Variants in BIRC2 observed in about 807,000 individuals in gnomAD.
The protein encoded by BIRC2 is baculoviral IAP repeat-containing protein 2.
Under a neutral mutation model 60.9 loss-of-function variants are expected in BIRC2, and 18 were observed. The ratio of observed to expected loss-of-function variants is 0.30; its 90% CI spans 0.20 to 0.44. BIRC2 has a LOEUF of 0.44. Among genes scored for constraint, BIRC2 ranks in the 20% least tolerant of loss-of-function variants. BIRC2 has a pLI of 1.00. For missense variants in BIRC2, 701 were observed against 728.5 expected (o/e 0.96, Z 0.43); for synonymous variants, 282 against 247.7 (o/e 1.14, Z -1.30).
chr11:102,377,770 T>A lies in BIRC2; in HGVS notation c.1621+20T>A. ...TATTTGGTGAGTTTGTTGGGAAAAT[T>A]ATTTTAGAAATTCTTAGGACTGGCC... On this transcript the variant is annotated intron_variant, in intron 7 of 8. Transcript: ENST00000227758. The A allele has an allele frequency of 6.3e-7, 1 of 1,592,932 alleles. No individual in the cohort carries two copies.
At chr11:102,374,899 C>G (rs77370340) in intron 6 of BIRC2, among the ~76,000 whole-genome samples, 1 of 152,212 alleles carries the variant, frequency 6.6e-6, no homozygotes, top group African/African-American at 2.4e-5. Context: ...GTCTGAAAAG[C>G]GCAATATTCG....
chr11:102,356,679 A>C (rs1367416617), intron 3 of BIRC2, among the ~76,000 whole-genome samples: 1 of 145,804 alleles, frequency 6.9e-6, no homozygotes, highest in African/African-American at 2.5e-5. Flanking sequence ...TATTATTATT[A>C]ATTTTTTTTT....
chr11:102,378,240 A>C lies in BIRC2; in HGVS notation c.*57A>C. 1 of 1,316,454 alleles carries C rather than the reference A, an allele frequency of 7.6e-7. No individual in the cohort carries two copies. Among genetic ancestry groups the C allele is most frequent in the Non-Finnish European group, 1.0e-6 (1 of 983,898 alleles). 81.5% of individuals were successfully genotyped at this position (1,316,454 alleles called of 1,614,324 possible). A position where few individuals can be genotyped will look rare whatever the true frequency, so the allele number is the denominator to read the frequency against. ...AAAGGTCTTTAAAATATTGTTGAAC[A>C]CTTGAAGCCATCTAAAGTAAAAAGG... On this transcript the variant is annotated 3_prime_UTR_variant, in exon 9 of 9. Coordinates refer to ENST00000227758, the MANE Select transcript of BIRC2 (RefSeq NM_001166.5).
At chr11:102,370,104 A>G (rs1335164560) in intron 6 of BIRC2, among the ~76,000 whole-genome samples, 2 of 150,186 alleles carry the variant, frequency 1.3e-5, no homozygotes, top group Non-Finnish European at 3.0e-5. Context: ...ATTTTCTCCC[A>G]TTTTGTAGGT....
rs7105332 is a variant in BIRC2 at position 102,358,801 on chromosome 11, T to C, written c.996-4095T>C. 4.6e-3 allele frequency among the ~76,000 whole-genome samples: 705 copies of C among 152,332 alleles called. 10 individuals carry two copies. Among genetic ancestry groups the C allele is most frequent in the African/African-American group, 0.016 (671 of 41,578 alleles). ...AAACTTTAGCTTCCTCTGCTCTCTT[T>C]TGGTTTCCATTTGCATGGAATATCT... On this transcript the variant is annotated intron_variant, in intron 3 of 8. Transcript: ENST00000227758.
chr11:102,362,331 G>A (rs1951493700), intron 3 of BIRC2, among the ~76,000 whole-genome samples: 1 of 152,008 alleles, frequency 6.6e-6, no homozygotes, highest in South Asian at 2.1e-4. Flanking sequence ...GATATAGATG[G>A]TATGTGAACT....
intron 5 of BIRC2, 102 bp from the exon 6 acceptor site, chr11:102,368,204 C>T: frequency 2.3e-6 from 3 of 1,328,712 alleles, no homozygotes; most frequent in South Asian, 1.4e-5. Context: ...TCTCCTTTAC[C>T]AGAATATGAG....
chr11:102,372,368 G>T (rs1410043309), intron 6 of BIRC2, among the ~76,000 whole-genome samples: 1 of 152,072 alleles, frequency 6.6e-6, no homozygotes. Context: ...GGTATGTTGT[G>T]TGTTTGTTCT....
intron 6 of BIRC2, among the ~76,000 whole-genome samples, chr11:102,377,210 A>G (rs75213604): frequency 0.015 from 2,257 of 152,354 alleles, 20 homozygotes; most frequent in Non-Finnish European, 0.024. Context: ...GAGTATTATT[A>G]TATATGGTGG....
At chr11:102,375,760 A>G (rs1246049742) in intron 6 of BIRC2, among the ~76,000 whole-genome samples, 1 of 150,734 alleles carries the variant, frequency 6.6e-6, no homozygotes, top group Non-Finnish European at 1.5e-5. Context: ...AGCCTGGGTG[A>G]CAGAGCCAGA....
intron 5 of BIRC2, 99 bp downstream of exon 5, chr11:102,363,815 G>T: frequency 2.2e-6 from 2 of 897,544 alleles, no homozygotes; most frequent in Admixed American, 2.2e-5. Flanking sequence ...CCAACACTTT[G>T]AGAGGCCGAG....
chr11:102,353,331 T>G (rs1272537283), intron 3 of BIRC2, among the ~76,000 whole-genome samples: 1 of 152,232 alleles, frequency 6.6e-6, no homozygotes, highest in African/African-American at 2.4e-5. Context: ...TTTTTCCTTT[T>G]TTTTATTTTT....
chr11:102,356,680 ATTT>A (rs759616402), intron 3 of BIRC2, among the ~76,000 whole-genome samples: 2 of 134,568 alleles, frequency 1.5e-5, no homozygotes, highest in Admixed American at 7.5e-5. Context: ...ATTATTATTA[ATTT>A]TTTTTTTTTT....
At chr11:102,369,298 A>T (rs1391525807) in intron 6 of BIRC2, among the ~76,000 whole-genome samples, 1 of 135,504 alleles carries the variant, frequency 7.4e-6, no homozygotes, top group Non-Finnish European at 1.6e-5. Flanking sequence ...ATATCTCCCA[A>T]TGCTATCCCT....
chr11:102,377,072 T>C (rs1234391500), intron 6 of BIRC2, among the ~76,000 whole-genome samples: 3 of 152,182 alleles, frequency 2.0e-5, no homozygotes, highest in African/African-American at 7.2e-5. Context: ...TTCTGAGTCT[T>C]TTTTCTCCCT....
intron 3 of BIRC2, among the ~76,000 whole-genome samples, chr11:102,355,279 G>A (rs187477391): frequency 8.5e-4 from 129 of 152,172 alleles, no homozygotes; most frequent in Middle Eastern, 3.4e-3. Context: ...GTTAATTTTT[G>A]TAGGTGGTAT....
chr11:102,349,891 C>G lies in BIRC2; in HGVS notation c.37C>G (p.Pro13Ala). 6.2e-7 allele frequency: 1 copy of G among 1,612,016 alleles called. No individual in the cohort carries two copies. Among genetic ancestry groups the G allele is most frequent in the Non-Finnish European group, 8.5e-7 (1 of 1,178,614 alleles). The change falls in exon 2 of 9, where the codon CCC becomes GCC. Residue 13 changes from proline (P) to alanine (A), a missense_variant. Pro to Ala is a conservative substitution (Grantham distance 27). Around this residue, in one of 4 missense-constraint regions of BIRC2, gnomAD observed 375 missense variants for 365.9 expected, o/e 1.02. Transcript: ENST00000227758. ...TGCCTCCCAAAGACTTTTCCCAGGT[C>G]CCTCGTATCAAAACATTAAGAGTAT... Reference protein sequence around the residue: ...KTASQRLFPGPSYQNIKSIME... With the variant: ...KTASQRLFPGASYQNIKSIME...
rs1160581153 is a variant in BIRC2 at position 102,350,203 on chromosome 11, G to T, written c.349G>T (p.Val117Phe). 2 of 1,614,196 alleles carry T rather than the reference G, an allele frequency of 1.2e-6. No individual in the cohort carries two copies. Among genetic ancestry groups the T allele is most frequent in the South Asian group, 2.2e-5 (2 of 91,078 alleles). Residue 117 changes from valine to phenylalanine, a missense_variant, in exon 2 of 9, where the codon GTT (valine) becomes TTT (phenylalanine). Transcript: ENST00000227758. ...TAGCTGTAGCTTTATTCAGAATCTG[G>T]TTTCAGCTAGTCTGGGATCCACCTC... ...YPSCSFIQNL[V>F]SASLGSTSKN...
chr11:102,368,228 TAAAG>T, intron 5 of BIRC2, 74 bp from the exon 6 acceptor site: 1 of 1,477,452 alleles, frequency 6.8e-7, no homozygotes, highest in Non-Finnish European at 9.2e-7. Flanking sequence ...AAAGGATGAA[TAAAG>T]ATTGTGCCAT....
Sources: allele counts gnomAD v4.1 joint callset (sites outside exome capture counted in the v4.1 genomes callset), GRCh38; gene constraint gnomAD v4.1.1; regional missense constraint gnomAD v4.1.1; transcripts MANE v1.5; gene names NCBI Gene and HGNC (gene_info 2026-07-23, HGNC 2026-07-21).